CGRRF1: variants seen among roughly 807,000 people sequenced by gnomAD.
CGRRF1 encodes the protein cell growth regulator with RING finger domain protein 1.
CGRRF1 carries 32 observed loss-of-function variants against 37.2 expected under a neutral mutation model. The ratio of observed to expected loss-of-function variants is 0.86; its 90% CI spans 0.65 to 1.16. The LOEUF (loss-of-function observed/expected upper bound fraction) is 1.16. Among genes scored for constraint, CGRRF1 ranks in the 50% most tolerant of loss-of-function variants. CGRRF1 has a pLI of 0.00. For missense variants in CGRRF1, 391 were observed against 382.6 expected (o/e 1.02, Z -0.18); for synonymous variants, 141 against 140.3 (o/e 1.00, Z -0.04).
chr14:54,538,110 C>T lies in CGRRF1; in HGVS notation c.726C>T (p.Ser242=), dbSNP rs962429587. 1.9e-6 allele frequency: 3 copies of T among 1,613,838 alleles called. No homozygotes were observed. The highest frequency in any genetic ancestry group is 1.7e-6 in the Non-Finnish European group (2 of 1,179,950). ...ANNNFTPSNN[S]SSEEKNTDRS... is the part of the protein sequence containing the mutation. ...ATAATTTCACTCCCTCCAACAATTCCTCTTCAGAAGAAAAAAACACAGACA... is the reference window on the plus strand; with the variant it reads ...ATAATTTCACTCCCTCCAACAATTCTTCTTCAGAAGAAAAAAACACAGACA... Residue 242 remains serine, a synonymous_variant, in exon 6 of 6, where the codon TCC becomes TCT. Transcript: ENST00000216420.
intron 2 of CGRRF1, among the ~76,000 whole-genome samples, chr14:54,524,110 T>C (rs1039634321): frequency 2.0e-5 from 3 of 152,148 alleles, no homozygotes; most frequent in African/African-American, 7.2e-5. Flanking sequence ...TTCTCTGAGG[T>C]CACTAATTAC....
intron 1 of CGRRF1, among the ~76,000 whole-genome samples, chr14:54,515,713 C>G (rs1594646853): frequency 6.6e-6 from 1 of 152,270 alleles, no homozygotes; most frequent in East Asian, 1.9e-4. Context: ...TCTACTTTGT[C>G]TGGTATTAAT....
intron 1 of CGRRF1, among the ~76,000 whole-genome samples, chr14:54,520,938 G>A (rs1457505909): frequency 6.6e-6 from 1 of 152,052 alleles, no homozygotes; most frequent in African/African-American, 2.4e-5. Context: ...GCTCCTAACT[G>A]TGCCGTCTTT....
rs2032630846 is a variant in CGRRF1, at chr14:54,538,190, A to G, written c.806A>G (p.Glu269Gly). 3 of 1,614,124 alleles carry G rather than the reference A, an allele frequency of 1.9e-6. No individual in the cohort carries two copies. The highest frequency in any genetic ancestry group is 1.7e-5 in the Admixed American group (1 of 60,004). Residue 269 changes from glutamate to glycine, a missense_variant, in exon 6 of 6, where the codon GAG becomes GGG. Physicochemically the swap from Glu to Gly is moderately conservative, Grantham distance 98 (BLOSUM62 -2). Transcript: ENST00000216420. ...GAAAGTGAAGTTGAGCCATCGGAAG[A>G]GAACAGCAAGGACTGTGTTGTTTGC... ...LSESEVEPSE[E>G]NSKDCVVCQN... is the part of the protein sequence containing the mutation.
intron 1 of CGRRF1, among the ~76,000 whole-genome samples, chr14:54,521,357 A>T (rs1028702830): frequency 2.0e-5 from 3 of 151,560 alleles, no homozygotes; most frequent in African/African-American, 7.3e-5. Flanking sequence ...GCTACTTGGG[A>T]GGCTGAGGCA....
At chr14:54,536,414 T>C (rs1239813430) in intron 4 of CGRRF1, 1 of 152,202 alleles carries the variant, frequency 6.6e-6, no homozygotes, top group Non-Finnish European at 1.5e-5. Flanking sequence ...TATATACATA[T>C]CTTAATATTG....
intron 1 of CGRRF1, among the ~76,000 whole-genome samples, chr14:54,515,800 T>C (rs1013496641): frequency 5.9e-5 from 9 of 152,170 alleles, no homozygotes; most frequent in African/African-American, 2.2e-4. Flanking sequence ...AAACTCTTTT[T>C]GTCTTTTTAT....
intron 3 of CGRRF1, 184 bp downstream of exon 3, chr14:54,530,410 C>T: frequency 3.9e-6 from 3 of 776,016 alleles, no homozygotes; most frequent in South Asian, 4.3e-5. Flanking sequence ...GTATTTGTAT[C>T]CTTTCATCTG....
At chr14:54,529,877 CTT>C (rs959094838) in intron 2 of CGRRF1, among the ~76,000 whole-genome samples, 170 bp from the exon 3 acceptor site, 1 of 152,162 alleles carries the variant, frequency 6.6e-6, no homozygotes, top group African/African-American at 2.4e-5. Context: ...TTTTATATCT[CTT>C]GTTACAGAGG....
chr14:54,537,686 T>G, intron 4 of CGRRF1, 36 bp from the exon 5 acceptor site: 4 of 1,451,348 alleles, frequency 2.8e-6, no homozygotes, highest in Non-Finnish European at 3.6e-6. Flanking sequence ...AATATAAAGA[T>G]TTTAAGTACT....
At chr14:54,530,397 A>G (rs1182961734) in intron 3 of CGRRF1, 171 bp downstream of exon 3, 9 of 889,044 alleles carry the variant, frequency 1.0e-5, no homozygotes, top group Non-Finnish European at 1.4e-5. Flanking sequence ...TCTATCAGGA[A>G]CAGTATTTGT....
intron 1 of CGRRF1, among the ~76,000 whole-genome samples, chr14:54,521,738 C>T (rs752943398): frequency 3.9e-5 from 6 of 152,034 alleles, no homozygotes; most frequent in African/African-American, 7.2e-5. Flanking sequence ...AACTCCTGAC[C>T]TCAAGTGATC....
Position 54,511,854 on chromosome 14 carries a change from A to T in CGRRF1, c.104+1791A>T, listed in dbSNP as rs541018463. 1.2e-3 allele frequency among the ~76,000 whole-genome samples: 176 copies of T among 152,322 alleles called. 4 individuals are homozygous for T. The South Asian group carries it at 0.035, about 30-fold the overall frequency. On this transcript the variant is annotated intron_variant, in intron 1 of 5. Coordinates refer to ENST00000216420, the MANE Select transcript of CGRRF1 (RefSeq NM_006568.3). ...GGCTAAGCACTGCTGAGGCCACAAG[A>T]CCATGTAAATCCAGTCACTTCCATC...
chr14:54,520,324 G>A (rs1205747942), intron 1 of CGRRF1, among the ~76,000 whole-genome samples: 4 of 152,030 alleles, frequency 2.6e-5, no homozygotes, highest in African/African-American at 2.4e-5. Context: ...TAGTAGAGAC[G>A]GGATTTCACT....
At chr14:54,519,970 C>T (rs191720226) in intron 1 of CGRRF1, among the ~76,000 whole-genome samples, 4 of 152,292 alleles carry the variant, frequency 2.6e-5, no homozygotes, top group South Asian at 2.1e-4. Context: ...TCTTATTTCA[C>T]GATGCCCTTC....
At chr14:54,524,704 A>C (rs2032383399) in intron 2 of CGRRF1, among the ~76,000 whole-genome samples, 2 of 152,128 alleles carry the variant, frequency 1.3e-5, no homozygotes, top group Admixed American at 1.3e-4. Flanking sequence ...CAAAAAGTAC[A>C]AAATTTCTTA....
chr14:54,523,607 T>C lies in CGRRF1; in HGVS notation c.244+1014T>C, dbSNP rs144365654. Among the ~76,000 whole-genome samples, 24 of 151,818 alleles carry C rather than the reference T, an allele frequency of 1.6e-4. No homozygotes were observed. In the East Asian group the frequency reaches 4.7e-3, roughly 29 times the overall value. Reference sequence around the variant, plus strand: ...ACTTCGTGGATGAGAAATGGAGTGATACATTAAAGAAACAGTAGTTATGGC... The same window carrying C: ...ACTTCGTGGATGAGAAATGGAGTGACACATTAAAGAAACAGTAGTTATGGC... On this transcript the variant is annotated intron_variant, in intron 2 of 5. Transcript: ENST00000216420.
intron 2 of CGRRF1, among the ~76,000 whole-genome samples, chr14:54,523,415 G>C (rs1307759988): frequency 6.6e-6 from 1 of 152,138 alleles, no homozygotes; most frequent in African/African-American, 2.4e-5. Context: ...GGACCATATA[G>C]GAACCATTAG....
chr14:54,537,888 G>T, intron 5 of CGRRF1, 59 bp downstream of exon 5: 1 of 1,551,948 alleles, frequency 6.4e-7, no homozygotes, highest in South Asian at 1.2e-5. Context: ...TTCAAAGAAT[G>T]GCCATTTATG....
Sources: gnomAD v4.1 joint callset for allele counts (sites outside exome capture counted in the v4.1 genomes callset) on GRCh38, gnomAD v4.1.1 for gene constraint, MANE v1.5 for transcripts, NCBI Gene and HGNC (gene_info 2026-07-23, HGNC 2026-07-21) for gene names.